Variants in PTPRD observed in about 807,000 individuals in gnomAD.
PTPRD encodes the protein protein tyrosine phosphatase receptor type D, also known as receptor-type tyrosine-protein phosphatase delta.
In PTPRD, 34 loss-of-function variants were observed where a neutral mutation model predicts 214.5. The observed-to-expected ratio is 0.16, with a 90% confidence interval of 0.12 to 0.21. PTPRD has a LOEUF of 0.21. Ranked by LOEUF, PTPRD falls within the 10% of genes least tolerant of loss-of-function variation. PTPRD has a pLI of 1.00. For missense variants in PTPRD, 2,545 were observed against 2,398.7 expected (o/e 1.06, Z -1.27); for synonymous variants, 1,128 against 845.7 (o/e 1.33, Z -5.79).
At chr9:8,509,827 TC>T (rs2097639455) in intron 21 of PTPRD, among the ~76,000 whole-genome samples, 1 of 152,194 alleles carries the variant, frequency 6.6e-6, no homozygotes, top group Admixed American at 6.5e-5. Context: ...CATCCAAGTC[TC>T]AGAGAGTACA....
chr9:9,325,581 G>T (rs1189316280), intron 9 of PTPRD, among the ~76,000 whole-genome samples: 1 of 152,126 alleles, frequency 6.6e-6, no homozygotes, highest in African/African-American at 2.4e-5. Context: ...ATCAGCCGAA[G>T]GAGATTTTGG....
chr9:8,316,613 C>CTA lies in PTPRD; in HGVS notation c.*1259_*1260dup, dbSNP rs563507728. 1.5e-3 allele frequency: 349 copies of CTA among 230,768 alleles called. 3 individuals carry two copies. Among genetic ancestry groups the CTA allele is most frequent in the African/African-American group, 7.1e-3 (323 of 45,286 alleles). 14.3% of individuals were successfully genotyped at this position (230,768 alleles called of 1,614,324 possible). On this transcript the variant is annotated 3_prime_UTR_variant, in exon 46 of 46. Coordinates refer to ENST00000381196, the MANE Select transcript of PTPRD (RefSeq NM_002839.4). ...CCTTTCCCACATGCACACCTCTTAG[C>CTA]TATTTAATAATAATTTTTATTGCAC...
chr9:9,193,507 A>C (rs148689712), intron 9 of PTPRD, among the ~76,000 whole-genome samples: 1 of 152,292 alleles, frequency 6.6e-6, no homozygotes, highest in African/African-American at 2.4e-5. Context: ...ACTTACACAA[A>C]CTTAGGTGGT....
At chr9:9,913,209 C>T (rs529703256) in intron 5 of PTPRD, among the ~76,000 whole-genome samples, 87 of 152,164 alleles carry the variant, frequency 5.7e-4, no homozygotes, top group African/African-American at 2.0e-3. Flanking sequence ...CATAGTATTT[C>T]ACTGTTAATG....
intron 14 of PTPRD, among the ~76,000 whole-genome samples, chr9:8,553,026 A>G (rs1053657328): frequency 6.6e-6 from 1 of 152,192 alleles, no homozygotes; most frequent in African/African-American, 2.4e-5. Flanking sequence ...GACAGTATAA[A>G]TCACTTGAGC....
At chr9:8,686,822 T>G (rs111494187) in intron 12 of PTPRD, among the ~76,000 whole-genome samples, 4 of 152,180 alleles carry the variant, frequency 2.6e-5, no homozygotes, top group African/African-American at 9.7e-5. Flanking sequence ...GCTAACTCTC[T>G]AAGGCATGGG....
At chr9:10,247,229 C>T (rs1241938604) in intron 3 of PTPRD, among the ~76,000 whole-genome samples, 1 of 152,060 alleles carries the variant, frequency 6.6e-6, no homozygotes, top group Non-Finnish European at 1.5e-5. Context: ...TCTCAAATTC[C>T]CATGCCTAAA....
At chr9:10,421,699 C>T (rs1295020499) in intron 2 of PTPRD, among the ~76,000 whole-genome samples, 3 of 151,830 alleles carry the variant, frequency 2.0e-5, no homozygotes, top group Non-Finnish European at 4.4e-5. Context: ...TACATTCTAC[C>T]TATCAATATC....
At chr9:8,358,541 G>C (rs1051435577) in intron 39 of PTPRD, among the ~76,000 whole-genome samples, 7 of 152,064 alleles carry the variant, frequency 4.6e-5, no homozygotes, top group Admixed American at 4.6e-4. Flanking sequence ...CAGAGCCTCT[G>C]TTTTCTCACC....
At chr9:9,712,844 T>C (rs1314471703) in intron 7 of PTPRD, among the ~76,000 whole-genome samples, 3 of 152,214 alleles carry the variant, frequency 2.0e-5, no homozygotes, top group African/African-American at 4.8e-5. Flanking sequence ...GAAAAAACTA[T>C]TTTATGGTAT....
chr9:8,804,541 A>C (rs1046386181), intron 11 of PTPRD, among the ~76,000 whole-genome samples: 1 of 152,022 alleles, frequency 6.6e-6, no homozygotes, highest in Non-Finnish European at 1.5e-5. Context: ...AGGCTGCAGC[A>C]AGCTGTGATC....
intron 9 of PTPRD, among the ~76,000 whole-genome samples, chr9:9,213,377 AAC>A (rs2099950059): frequency 6.6e-6 from 1 of 152,204 alleles, no homozygotes; most frequent in African/African-American, 2.4e-5. Flanking sequence ...GTTTACACAA[AAC>A]ACAGTGTTAC....
intron 10 of PTPRD, among the ~76,000 whole-genome samples, chr9:9,090,730 C>G (rs1295365387): frequency 6.6e-6 from 1 of 152,156 alleles, no homozygotes; most frequent in East Asian, 1.9e-4. Context: ...TGAACAAAGA[C>G]AATGTCCTTA....
chr9:10,104,274 C>T (rs1474847871), intron 3 of PTPRD, among the ~76,000 whole-genome samples: 1 of 151,594 alleles, frequency 6.6e-6, no homozygotes, highest in African/African-American at 2.4e-5. Context: ...TGTGAATGTA[C>T]TTAATGCCAC....
At chr9:8,991,766 TA>T (rs2099367931) in intron 11 of PTPRD, among the ~76,000 whole-genome samples, 1 of 152,164 alleles carries the variant, frequency 6.6e-6, no homozygotes, top group Non-Finnish European at 1.5e-5. Flanking sequence ...TTTAAATAGC[TA>T]ATTATACATT....
At chr9:9,175,920 AAAAG>A (rs1436439405) in intron 10 of PTPRD, among the ~76,000 whole-genome samples, 2 of 152,154 alleles carry the variant, frequency 1.3e-5, no homozygotes, top group African/African-American at 2.4e-5. Flanking sequence ...TAGGCCTGAA[AAAAG>A]AAAGAAAGAA....
At chr9:9,732,675 G>A (rs1011330083) in intron 7 of PTPRD, among the ~76,000 whole-genome samples, 1 of 152,158 alleles carries the variant, frequency 6.6e-6, no homozygotes, top group Non-Finnish European at 1.5e-5. Context: ...AGTTCCTCAA[G>A]AAATGCTTAA....
At chr9:9,451,901 T>C (rs2092270833) in intron 8 of PTPRD, among the ~76,000 whole-genome samples, 1 of 150,894 alleles carries the variant, frequency 6.6e-6, no homozygotes, top group Non-Finnish European at 1.5e-5. Context: ...GAAGAGGAGA[T>C]GAATAGTTTG....
chr9:8,494,960 G>C (rs1278087842), intron 26 of PTPRD, among the ~76,000 whole-genome samples: 2 of 151,924 alleles, frequency 1.3e-5, no homozygotes, highest in Non-Finnish European at 2.9e-5. Flanking sequence ...TCTCCACTTT[G>C]CTTCTTGTCC....
Sources: gnomAD v4.1 joint callset for allele counts (sites outside exome capture counted in the v4.1 genomes callset) on GRCh38, gnomAD v4.1.1 for gene constraint, MANE v1.5 for transcripts, NCBI Gene and HGNC (gene_info 2026-07-23, HGNC 2026-07-21) for gene names.